The following STPG2 variants were observed in gnomAD, a reference collection of about 807,000 sequenced individuals.
The protein encoded by STPG2 is sperm-tail PG-rich repeat-containing protein 2.
Under a neutral mutation model 54.2 loss-of-function variants are expected in STPG2, and 56 were observed. The observed-to-expected ratio is 1.03, with a 90% confidence interval of 0.83 to 1.29. The LOEUF (loss-of-function observed/expected upper bound fraction) is 1.29. Ranked by LOEUF, STPG2 falls within the 50% of genes most tolerant of loss-of-function variation. The pLI, the probability that STPG2 is intolerant of heterozygous loss-of-function variation, is 0.00. For synonymous variants in STPG2, 200 were observed against 181.8 expected (o/e 1.10, Z -0.81); for missense variants, 596 against 544.9 (o/e 1.09, Z -0.93).
intron 10 of STPG2, among the ~76,000 whole-genome samples, chr4:97,609,537 T>C (rs1310470410): frequency 2.0e-5 from 3 of 151,912 alleles, no homozygotes; most frequent in Non-Finnish European, 4.4e-5. Context: ...CCTGAGCATA[T>C]CAGTGAGAAA....
chr4:97,728,686 A>T (rs191992740), intron 9 of STPG2, among the ~76,000 whole-genome samples: 11 of 152,160 alleles, frequency 7.2e-5, no homozygotes, highest in African/African-American at 2.2e-4. Flanking sequence ...CTGAGGAAAA[A>T]AAAAAATTCA....
intron 10 of STPG2, among the ~76,000 whole-genome samples, chr4:97,600,992 A>T (rs1733444430): frequency 6.6e-6 from 1 of 152,108 alleles, no homozygotes; most frequent in Non-Finnish European, 1.5e-5. Flanking sequence ...ATCACATATC[A>T]GAAGAAGAAA....
At chr4:97,492,056 T>C (rs1037603525) in intron 4 of STPG2, among the ~76,000 whole-genome samples, 4 of 151,468 alleles carry the variant, frequency 2.6e-5, no homozygotes, top group African/African-American at 9.7e-5. Flanking sequence ...TACAATGCTA[T>C]AGCAATTTTC....
At chr4:98,059,727 G>T (rs377242843) in intron 5 of STPG2, among the ~76,000 whole-genome samples, 1 of 151,362 alleles carries the variant, frequency 6.6e-6, no homozygotes, top group East Asian at 1.9e-4. Context: ...GATCAAATAG[G>T]CTTCATCCCC....
intron 9 of STPG2, among the ~76,000 whole-genome samples, chr4:97,764,198 T>C (rs1725973857): frequency 6.6e-6 from 1 of 151,384 alleles, no homozygotes; most frequent in African/African-American, 2.4e-5. Flanking sequence ...AGAGTGAACT[T>C]ACTTTTAGAG....
chr4:97,814,607 G>A (rs980488221), intron 9 of STPG2, among the ~76,000 whole-genome samples: 10 of 152,062 alleles, frequency 6.6e-5, no homozygotes, highest in Non-Finnish European at 1.3e-4. Context: ...ATTGATCCTG[G>A]GTGTGTCTGT....
At chr4:97,673,664 C>T (rs1420558175) in intron 10 of STPG2, among the ~76,000 whole-genome samples, 7 of 124,362 alleles carry the variant, frequency 5.6e-5, no homozygotes, top group Non-Finnish European at 1.0e-4. Flanking sequence ...AAAGAATATA[C>T]GGCTTTATAT....
chr4:97,982,309 T>C (rs1734707587), intron 5 of STPG2, among the ~76,000 whole-genome samples: 1 of 151,988 alleles, frequency 6.6e-6, no homozygotes, highest in African/African-American at 2.4e-5. Flanking sequence ...CTCATTTGCC[T>C]TTTTTTCTTT....
chr4:98,139,373 T>C (rs941747322), intron 1 of STPG2, among the ~76,000 whole-genome samples: 4 of 152,298 alleles, frequency 2.6e-5, no homozygotes, highest in African/African-American at 7.2e-5. Context: ...AAAGAGTATC[T>C]GTATCTAAGG....
intron 7 of STPG2, 52 bp from the exon 8 acceptor site, chr4:97,944,059 A>G (rs781405934): frequency 1.8e-6 from 2 of 1,142,182 alleles, no homozygotes; most frequent in Non-Finnish European, 2.6e-6. Context: ...TATCAATACA[A>G]GAGGCACTAT....
At chr4:97,570,742 A>C (rs1331194490) in intron 10 of STPG2, among the ~76,000 whole-genome samples, 2 of 152,030 alleles carry the variant, frequency 1.3e-5, no homozygotes, top group Non-Finnish European at 2.9e-5. Context: ...GCCTCAACAG[A>C]CTCAAAGGTT....
At chr4:97,568,797 G>A (rs1732520628) in intron 10 of STPG2, among the ~76,000 whole-genome samples, 1 of 151,904 alleles carries the variant, frequency 6.6e-6, no homozygotes, top group East Asian at 1.9e-4. Context: ...ATGATGGGTA[G>A]AGGCATGTCA....
At chr4:97,597,548 CT>C (rs1420427723) in intron 10 of STPG2, among the ~76,000 whole-genome samples, 1 of 152,054 alleles carries the variant, frequency 6.6e-6, no homozygotes, top group African/African-American at 2.4e-5. Context: ...ATTAAGTAGA[CT>C]TTTTCCCTGG....
intron 10 of STPG2, among the ~76,000 whole-genome samples, chr4:97,710,109 A>C (rs1431630147): frequency 1.9e-5 from 2 of 106,776 alleles, no homozygotes; most frequent in Non-Finnish European, 3.8e-5. Context: ...ACCTTCTAAA[A>C]TTGTATGCAC....
In STPG2 at chr4:97,485,561, CCAAA is replaced by C. The variant is rs544284773; in HGVS notation, c.462+227134_462+227137del. ...ACTGATGAAATAAATCATAAACAAC[CCAAA>C]CAAATAGAAACATATCCCATGCTCA... On this transcript the variant is annotated intron_variant, in intron 4 of 4. Transcript: ENST00000522676. Among the ~76,000 whole-genome samples, 911 of 151,590 alleles carry C rather than the reference CCAAA, an allele frequency of 6.0e-3. 5 individuals carry two copies. Among genetic ancestry groups the C allele is most frequent in the South Asian group, 0.02 (98 of 4,810 alleles).
chr4:97,948,198 G>T (rs1037072761), intron 7 of STPG2, among the ~76,000 whole-genome samples: 1 of 151,702 alleles, frequency 6.6e-6, no homozygotes, highest in Non-Finnish European at 1.5e-5. Flanking sequence ...TGCATAGTTT[G>T]TGTTTCTAGT....
At chr4:98,095,046 A>C (rs1738809674) in intron 5 of STPG2, among the ~76,000 whole-genome samples, 1 of 152,200 alleles carries the variant, frequency 6.6e-6, no homozygotes, top group Non-Finnish European at 1.5e-5. Context: ...ACAGAGAATT[A>C]AAGTGTAGTG....
chr4:97,795,948 C>G (rs1727159561), intron 9 of STPG2, among the ~76,000 whole-genome samples: 1 of 152,108 alleles, frequency 6.6e-6, no homozygotes, highest in African/African-American at 2.4e-5. Context: ...CCCTGATGGC[C>G]AGTGATGATG....
At chr4:97,613,765 C>G (rs1322484712) in intron 10 of STPG2, among the ~76,000 whole-genome samples, 2 of 151,940 alleles carry the variant, frequency 1.3e-5, no homozygotes, top group Non-Finnish European at 1.5e-5. Flanking sequence ...CAAGTTTCTC[C>G]AGTTTTGACC....
Sources: allele counts gnomAD v4.1 joint callset (sites outside exome capture counted in the v4.1 genomes callset), GRCh38; gene constraint gnomAD v4.1.1; transcripts MANE v1.5; gene names NCBI Gene and HGNC (gene_info 2026-07-23, HGNC 2026-07-21).